The following TBL1X variants were observed in gnomAD, a reference collection of about 807,000 sequenced individuals.
TBL1X encodes the protein F-box-like/WD repeat-containing protein TBL1X.
Under a neutral mutation model 50.7 loss-of-function variants are expected in TBL1X, and 10 were observed. The ratio of observed to expected loss-of-function variants is 0.20; its 90% CI spans 0.12 to 0.33. The LOEUF is 0.33. TBL1X is among the 10% of genes least tolerant of loss of function. The pLI, the probability that TBL1X is intolerant of heterozygous loss-of-function variation, is 1.00. For synonymous variants in TBL1X, 190 were observed against 214.7 expected (o/e 0.88, Z 1.01); for missense variants, 340 against 504.4 (o/e 0.67, Z 3.12).
chrX:9,486,417 A>G (rs73186370), intron 1 of TBL1X, among the ~76,000 whole-genome samples: 11,113 of 109,047 alleles, frequency 0.1, 506 homozygotes, highest in South Asian at 0.21. Context: ...TATTTTTTGT[A>G]AAGACGGTGT....
At chrX:9,712,627 G>A (rs1046185294) in intron 16 of TBL1X, among the ~76,000 whole-genome samples, 5 of 112,370 alleles carry the variant, frequency 4.4e-5, no homozygotes, top group East Asian at 2.8e-4. Context: ...GTGAGCCACC[G>A]TGCCTAGCCT....
rs746706059 is a variant in TBL1X, at chrX:9,477,349, A to G, written c.-201+11902A>G. On this transcript the variant is annotated intron_variant, in intron 1 of 17. Coordinates refer to ENST00000645353, the MANE Select transcript of TBL1X (RefSeq NM_005647.4). ...TGTTTGCTTTTCCATTCAGTGTTCTATATTTGGACAACAAATATATTTTTC... is the reference window on the plus strand; with the variant it reads ...TGTTTGCTTTTCCATTCAGTGTTCTGTATTTGGACAACAAATATATTTTTC... 9.8e-5 allele frequency among the ~76,000 whole-genome samples: 11 copies of G among 112,171 alleles called. No individual in the cohort carries two copies. The South Asian group carries it at 3.3e-3, about 34-fold the overall frequency.
Position 9,611,060 on chromosome X carries a change from A to G in TBL1X, c.-130-29213A>G, listed in dbSNP as rs767846854. 7.2e-5 allele frequency among the ~76,000 whole-genome samples: 8 copies of G among 111,803 alleles called. No homozygotes were observed. In the East Asian group the frequency reaches 2.3e-3, roughly 32 times the overall value. On this transcript the variant is annotated intron_variant, in intron 2 of 17. Coordinates refer to ENST00000645353, the MANE Select transcript of TBL1X (RefSeq NM_005647.4). Reference sequence around the variant, plus strand: ...AGGGCTCAAGATTCCATTTTCTCTCAATACTTTGCTCCTACAGACTAGGAG... The same window carrying G: ...AGGGCTCAAGATTCCATTTTCTCTCGATACTTTGCTCCTACAGACTAGGAG...
intron 5 of TBL1X, among the ~76,000 whole-genome samples, chrX:9,657,969 C>T (rs1379329479): frequency 9.0e-6 from 1 of 111,626 alleles, no homozygotes; most frequent in Non-Finnish European, 1.9e-5. Flanking sequence ...TGGGGAGGGA[C>T]CCAGTGGGAA....
intron 5 of TBL1X, among the ~76,000 whole-genome samples, chrX:9,659,617 G>T (rs1369843004): frequency 1.8e-5 from 2 of 112,095 alleles, no homozygotes; most frequent in Non-Finnish European, 3.8e-5. Flanking sequence ...CATTTCTCTT[G>T]GGTAAATATC....
At chrX:9,663,319 C>T (rs955950195) in intron 5 of TBL1X, among the ~76,000 whole-genome samples, 4 of 111,706 alleles carry the variant, frequency 3.6e-5, no homozygotes, top group Admixed American at 9.5e-5. Flanking sequence ...GGCCAGTGTC[C>T]ATCAGTGGGC....
chrX:9,618,306 A>G (rs189732006), intron 2 of TBL1X, among the ~76,000 whole-genome samples: 13 of 111,551 alleles, frequency 1.2e-4, no homozygotes, highest in Admixed American at 6.7e-4. Context: ...CCTGGAGGAG[A>G]TAAGTTTTAA....
chrX:9,665,539 A>ATATATATATATATATATATATATATAT (rs3043954), intron 5 of TBL1X, among the ~76,000 whole-genome samples: 1 of 62,919 alleles, frequency 1.6e-5, no homozygotes, highest in Non-Finnish European at 2.8e-5. Flanking sequence ...ATATATATAT[A>ATATATATATATATATATATATATATAT]AAAGGCCTTG....
intron 5 of TBL1X, among the ~76,000 whole-genome samples, chrX:9,668,842 A>T: frequency 9.0e-6 from 1 of 111,371 alleles, no homozygotes; most frequent in East Asian, 2.8e-4. Flanking sequence ...TGGTAAGTAA[A>T]GAATGTCATT....
intron 1 of TBL1X, among the ~76,000 whole-genome samples, chrX:9,469,459 G>A (rs2081798809): frequency 1.8e-5 from 2 of 112,370 alleles, no homozygotes; most frequent in Non-Finnish European, 3.8e-5. Flanking sequence ...CATCGCGCCC[G>A]GCTAGCCTAA....
At chrX:9,639,625 AAT>A (rs1343831856) in intron 2 of TBL1X, among the ~76,000 whole-genome samples, 5 of 112,517 alleles carry the variant, frequency 4.4e-5, no homozygotes, top group Non-Finnish European at 9.4e-5. Context: ...GTGAAACAGA[AAT>A]GTCTGAAGAG....
intron 2 of TBL1X, among the ~76,000 whole-genome samples, chrX:9,611,718 G>A (rs2082614613): frequency 1.8e-5 from 2 of 112,417 alleles, no homozygotes; most frequent in Admixed American, 1.9e-4. Flanking sequence ...CAGCACTCTG[G>A]GATTTGAGTG....
intron 2 of TBL1X, among the ~76,000 whole-genome samples, chrX:9,631,348 G>C (rs754684803): frequency 3.1e-4 from 35 of 111,606 alleles, no homozygotes; most frequent in African/African-American, 1.0e-3. Flanking sequence ...CAGCCTTTTC[G>C]CTGGAGTGGT....
chrX:9,697,371 A>G lies in TBL1X; in HGVS notation c.1056A>G (p.Thr352=), dbSNP rs777162472. Residue 352 remains threonine, a splice_region_variant and synonymous_variant, in exon 12 of 18, where the codon ACA becomes ACG. Coordinates refer to ENST00000645353, the MANE Select transcript of TBL1X (RefSeq NM_005647.4). ...TTTCCTTTGTTTGCGGAACACAGAC[A>G]ACAATAATTTGGGATGCCCACACAG... ...NYILSAGVDK[T]TIIWDAHTGE... The G allele has an allele frequency of 5.0e-6, 6 of 1,211,239 alleles. No individual in the cohort carries two copies. Among genetic ancestry groups the G allele is most frequent in the Middle Eastern group, 2.6e-4 (1 of 3,897 alleles).
intron 5 of TBL1X, among the ~76,000 whole-genome samples, chrX:9,664,551 G>A (rs1205330345): frequency 9.0e-6 from 1 of 110,849 alleles, no homozygotes; most frequent in East Asian, 2.8e-4. Flanking sequence ...TTTCTGGGTG[G>A]GCTGCATTTT....
chrX:9,506,939 A>G (rs1403391964), intron 2 of TBL1X, among the ~76,000 whole-genome samples: 1 of 111,891 alleles, frequency 8.9e-6, no homozygotes, highest in African/African-American at 3.2e-5. Flanking sequence ...TTATGAAGCC[A>G]GCATCATCCC....
intron 2 of TBL1X, among the ~76,000 whole-genome samples, chrX:9,590,485 C>T (rs186279780): frequency 3.6e-5 from 4 of 111,357 alleles, no homozygotes; most frequent in African/African-American, 6.5e-5. Context: ...TTTTTCAGTT[C>T]GGATTCTTAG....
At chrX:9,655,171 A>G (rs749160790) in intron 5 of TBL1X, among the ~76,000 whole-genome samples, 5 of 110,969 alleles carry the variant, frequency 4.5e-5, no homozygotes, top group Non-Finnish European at 9.4e-5. Context: ...TTCGTTTCCT[A>G]GGGCTGCTAT....
intron 4 of TBL1X, 143 bp downstream of exon 4, chrX:9,653,832 TG>T: frequency 1.8e-6 from 1 of 541,001 alleles, no homozygotes; most frequent in South Asian, 3.3e-5. Flanking sequence ...GAGTGCACTT[TG>T]GGATTCCATT....
Sources: allele counts gnomAD v4.1 joint callset (sites outside exome capture counted in the v4.1 genomes callset), GRCh38; gene constraint gnomAD v4.1.1; transcripts MANE v1.5; gene names NCBI Gene and HGNC (gene_info 2026-07-23, HGNC 2026-07-21).